The following CCSER1 variants were observed in gnomAD, a reference collection of about 807,000 sequenced individuals.
CCSER1 encodes serine-rich coiled-coil domain-containing protein 1.
A neutral mutation model predicts 82.0 loss-of-function variants in CCSER1; 41 were observed. The ratio of observed to expected loss-of-function variants is 0.50; its 90% CI spans 0.39 to 0.65. The LOEUF is 0.65. Among genes scored for constraint, CCSER1 ranks in the 30% least tolerant of loss-of-function variants. CCSER1 has a pLI of 0.00. For missense variants in CCSER1, 1,119 were observed against 1,064.2 expected (o/e 1.05, Z -0.72); for synonymous variants, 414 against 383.9 (o/e 1.08, Z -0.92).
chr4:91,044,260 C>T (rs28526782), intron 9 of CCSER1, among the ~76,000 whole-genome samples: 161 of 152,264 alleles, frequency 1.1e-3, no homozygotes, highest in Middle Eastern at 3.4e-3. Context: ...GATAGAATTG[C>T]TACAATTCAA....
At chr4:91,591,469 T>C (rs528473456) in intron 10 of CCSER1, among the ~76,000 whole-genome samples, 2 of 152,218 alleles carry the variant, frequency 1.3e-5, no homozygotes, top group African/African-American at 4.8e-5. Flanking sequence ...CCTCAGCTTA[T>C]ACATTCATCA....
At chr4:91,210,051 A>G (rs986329191) in intron 10 of CCSER1, among the ~76,000 whole-genome samples, 3 of 151,646 alleles carry the variant, frequency 2.0e-5, no homozygotes, top group Non-Finnish European at 4.4e-5. Context: ...TACGAGATGA[A>G]TCTGGAATAT....
intron 10 of CCSER1, among the ~76,000 whole-genome samples, chr4:91,564,260 T>A (rs181795089): frequency 5.3e-5 from 8 of 152,070 alleles, no homozygotes; most frequent in Non-Finnish European, 1.2e-4. Context: ...TTCCATGGTG[T>A]ATATAGGCCA....
intron 1 of CCSER1, among the ~76,000 whole-genome samples, chr4:90,196,312 T>A (rs192807926): frequency 1.4e-4 from 21 of 152,174 alleles, no homozygotes; most frequent in Non-Finnish European, 2.5e-4. Context: ...TTTCTGTTAC[T>A]TAGAGTCTGT....
chr4:91,169,839 T>A (rs1177455322), intron 10 of CCSER1, among the ~76,000 whole-genome samples: 1 of 152,176 alleles, frequency 6.6e-6, no homozygotes, highest in Non-Finnish European at 1.5e-5. Flanking sequence ...AACTGCTAGT[T>A]GCCTATCCCA....
At chr4:91,199,616 T>C (rs1056417756) in intron 10 of CCSER1, among the ~76,000 whole-genome samples, 7 of 152,064 alleles carry the variant, frequency 4.6e-5, no homozygotes, top group Non-Finnish European at 5.9e-5. Flanking sequence ...GCTCATGTCC[T>C]CAAGAAAAAT....
rs540812907 is a variant in CCSER1 at position 90,218,239 on chromosome 4, A to C, written c.-41-90005A>C. On this transcript the variant is annotated intron_variant, in intron 1 of 10. Coordinates refer to ENST00000509176, the MANE Select transcript of CCSER1 (RefSeq NM_001145065.2). The stretch of plus-strand genomic sequence containing the variant: ...ATGCTGAATCACATTTATTTATTTG[A>C]GTATGTTGAACCAACCTTACATCTC... Among the ~76,000 whole-genome samples, 21 of 152,236 alleles carry C rather than the reference A, an allele frequency of 1.4e-4. 1 individual carries two copies. Among genetic ancestry groups the C allele is most frequent in the African/African-American group, 4.8e-4 (20 of 41,544 alleles).
At chr4:91,366,777 T>C (rs1289495641) in intron 10 of CCSER1, among the ~76,000 whole-genome samples, 1 of 152,208 alleles carries the variant, frequency 6.6e-6, no homozygotes, top group Non-Finnish European at 1.5e-5. Context: ...CACTATACCA[T>C]TTGCTTTATC....
intron 9 of CCSER1, among the ~76,000 whole-genome samples, chr4:91,066,864 A>G (rs1720867760): frequency 6.6e-6 from 1 of 152,190 alleles, no homozygotes; most frequent in African/African-American, 2.4e-5. Context: ...TTGACCCAGC[A>G]CATAGAATAG....
At chr4:90,179,991 G>A (rs1733417860) in intron 1 of CCSER1, among the ~76,000 whole-genome samples, 1 of 151,800 alleles carries the variant, frequency 6.6e-6, no homozygotes. Context: ...ATGTATGATA[G>A]GACAGAAAAG....
chr4:91,486,536 C>T (rs1323617083), intron 10 of CCSER1, among the ~76,000 whole-genome samples: 5 of 152,096 alleles, frequency 3.3e-5, no homozygotes, highest in Admixed American at 1.3e-4. Context: ...GTTGTAATCA[C>T]GGCTGTTGCC....
chr4:91,288,470 T>C (rs2149215187), intron 10 of CCSER1, among the ~76,000 whole-genome samples: 1 of 151,812 alleles, frequency 6.6e-6, no homozygotes, highest in Non-Finnish European at 1.5e-5. Context: ...AATCAATGAG[T>C]CAAGTGTGAG....
intron 10 of CCSER1, among the ~76,000 whole-genome samples, chr4:91,433,082 A>T (rs1446050382): frequency 6.6e-6 from 1 of 152,172 alleles, no homozygotes; most frequent in Non-Finnish European, 1.5e-5. Flanking sequence ...AAGCCACATT[A>T]ATTTACTCTT....
At chr4:90,665,319 AT>A (rs1233917347) in intron 6 of CCSER1, among the ~76,000 whole-genome samples, 2 of 135,092 alleles carry the variant, frequency 1.5e-5, no homozygotes, top group African/African-American at 5.7e-5. Flanking sequence ...ATATGCTGAG[AT>A]TTTTTTTTCT....
chr4:90,419,690 C>A (rs1259562888), intron 4 of CCSER1, among the ~76,000 whole-genome samples: 9 of 151,914 alleles, frequency 5.9e-5, no homozygotes, highest in Admixed American at 5.9e-4. Context: ...CAATGTGGCA[C>A]ACCATTACTT....
intron 7 of CCSER1, among the ~76,000 whole-genome samples, chr4:90,815,365 T>A (rs905041117): frequency 2.6e-5 from 4 of 152,190 alleles, no homozygotes; most frequent in Non-Finnish European, 5.9e-5. Context: ...TATCAGTATC[T>A]TTTTAAATGT....
At chr4:90,955,806 G>A (rs545711384) in intron 9 of CCSER1, among the ~76,000 whole-genome samples, 23 of 151,902 alleles carry the variant, frequency 1.5e-4, no homozygotes, top group Non-Finnish European at 2.5e-4. Context: ...AGGCTTCTCC[G>A]TCTTACCACC....
rs1185314444 is a variant in CCSER1, at chr4:90,997,254, A to C, written c.2172+73807A>C. Among the ~76,000 whole-genome samples the C allele has an allele frequency of 2.0e-5, 3 of 151,882 alleles. No individual in the cohort carries two copies. The South Asian group carries it at 6.2e-4, about 32-fold the overall frequency. ...GTCCACATTTCTTGATCATGGCACC[A>C]TCCTTCATCTTCAAAGCCAGCAGCA... is the stretch of plus-strand genomic sequence containing the variant. On this transcript the variant is annotated intron_variant, in intron 9 of 10. Transcript: ENST00000509176.
chr4:90,917,027 G>T (rs1727562844), intron 8 of CCSER1, among the ~76,000 whole-genome samples: 1 of 152,212 alleles, frequency 6.6e-6, no homozygotes, highest in Non-Finnish European at 1.5e-5. Flanking sequence ...GGGTGCTGGA[G>T]AGGATGTGGA....
Sources: allele counts gnomAD v4.1 joint callset (sites outside exome capture counted in the v4.1 genomes callset), GRCh38; gene constraint gnomAD v4.1.1; transcripts MANE v1.5; gene names NCBI Gene and HGNC (gene_info 2026-07-23, HGNC 2026-07-21).